The following MDGA2 variants were observed in gnomAD, a reference collection of about 807,000 sequenced individuals.
The protein encoded by MDGA2 is MAM domain containing glycosylphosphatidylinositol anchor 2.
A neutral mutation model predicts 117.8 loss-of-function variants in MDGA2; 40 were observed. The ratio of observed to expected loss-of-function variants is 0.34; its 90% CI spans 0.26 to 0.44. MDGA2 has a LOEUF of 0.44. Among genes scored for constraint, MDGA2 ranks in the 20% least tolerant of loss-of-function variants. MDGA2 has a pLI of 1.00. For missense variants in MDGA2, 1,123 were observed against 1,250.6 expected (o/e 0.90, Z 1.54); for synonymous variants, 452 against 439.0 (o/e 1.03, Z -0.37).
chr14:47,337,241 TGTAA>T (rs987381033), intron 1 of MDGA2, among the ~76,000 whole-genome samples: 8 of 152,070 alleles, frequency 5.3e-5, no homozygotes, highest in African/African-American at 1.9e-4. Flanking sequence ...AGGTAAAATC[TGTAA>T]GTATGTTAAA....
chr14:46,840,082 C>T (rs2138253154), downstream of MDGA2: 1 of 152,546 alleles, frequency 6.6e-6, no homozygotes, highest in South Asian at 2.1e-4. Flanking sequence ...AACACACATA[C>T]TGCTTGTCAT....
chr14:47,375,502 G>A (rs973048769), intron 1 of MDGA2, among the ~76,000 whole-genome samples: 3 of 151,680 alleles, frequency 2.0e-5, no homozygotes, highest in Admixed American at 6.6e-5. Context: ...TAAATAACTT[G>A]CTTTCCCTAA....
At chr14:47,264,470 G>C (rs1157425133) in intron 2 of MDGA2, among the ~76,000 whole-genome samples, 2 of 152,100 alleles carry the variant, frequency 1.3e-5, no homozygotes, top group Non-Finnish European at 2.9e-5. Flanking sequence ...AAAAAAGACA[G>C]AGTGAATTGG....
intron 1 of MDGA2, among the ~76,000 whole-genome samples, chr14:47,535,469 TGA>T (rs1895191230): frequency 6.6e-6 from 1 of 152,216 alleles, no homozygotes; most frequent in Non-Finnish European, 1.5e-5. Flanking sequence ...TGAAAGACTT[TGA>T]GAGGTAACTG....
chr14:46,997,893 A>C (rs1887355069), intron 8 of MDGA2, among the ~76,000 whole-genome samples: 1 of 152,186 alleles, frequency 6.6e-6, no homozygotes, highest in African/African-American at 2.4e-5. Context: ...TAGAGTGAAC[A>C]AGTTTTGTGT....
At chr14:47,205,205 C>T (rs545015925) in intron 3 of MDGA2, among the ~76,000 whole-genome samples, 1 of 151,818 alleles carries the variant, frequency 6.6e-6, no homozygotes, top group African/African-American at 2.4e-5. Flanking sequence ...AAAATATCTC[C>T]CTCTCACCTA....
At chr14:47,303,429 T>C (rs1386346533) in intron 1 of MDGA2, among the ~76,000 whole-genome samples, 1 of 152,158 alleles carries the variant, frequency 6.6e-6, no homozygotes, top group Non-Finnish European at 1.5e-5. Flanking sequence ...CTAGACATTG[T>C]AATAATTCGT....
intron 1 of MDGA2, among the ~76,000 whole-genome samples, chr14:47,373,974 T>C (rs973678372): frequency 1.5e-4 from 23 of 152,254 alleles, no homozygotes; most frequent in Middle Eastern, 3.4e-3. Flanking sequence ...TCCATATAAA[T>C]AAAATTTCCT....
At chr14:47,352,644 T>C (rs1890909141) in intron 1 of MDGA2, among the ~76,000 whole-genome samples, 2 of 152,236 alleles carry the variant, frequency 1.3e-5, no homozygotes, top group South Asian at 4.1e-4. Flanking sequence ...GGCATAATAT[T>C]TGCAAAAGGT....
At chr14:47,166,171 G>A (rs1214541907) in intron 3 of MDGA2, among the ~76,000 whole-genome samples, 2 of 151,778 alleles carry the variant, frequency 1.3e-5, no homozygotes, top group African/African-American at 2.4e-5. Flanking sequence ...GAGTAGCTGG[G>A]ACTACAGATG....
intron 1 of MDGA2, among the ~76,000 whole-genome samples, chr14:47,352,453 C>G (rs1487875540): frequency 6.6e-6 from 1 of 151,958 alleles, no homozygotes; most frequent in Non-Finnish European, 1.5e-5. Context: ...AAAAGCAAAC[C>G]TAGCTGACTC....
At chr14:47,281,473 C>T (rs1289074957) in intron 2 of MDGA2, among the ~76,000 whole-genome samples, 1 of 152,052 alleles carries the variant, frequency 6.6e-6, no homozygotes, top group East Asian at 1.9e-4. Context: ...TATTTGATAA[C>T]AGAGCATGAA....
intron 1 of MDGA2, among the ~76,000 whole-genome samples, chr14:47,341,260 T>C (rs1457284977): frequency 6.6e-6 from 1 of 152,146 alleles, no homozygotes; most frequent in East Asian, 1.9e-4. Context: ...CTTAAGAAAA[T>C]GCAAGTGAAA....
chr14:47,240,190 G>A (rs889761483), intron 2 of MDGA2, among the ~76,000 whole-genome samples: 4 of 151,562 alleles, frequency 2.6e-5, no homozygotes, highest in East Asian at 3.9e-4. Context: ...GATTACAGGC[G>A]TGCACCACCA....
intron 1 of MDGA2, among the ~76,000 whole-genome samples, chr14:47,395,908 T>C (rs1193874233): frequency 1.3e-5 from 2 of 152,160 alleles, no homozygotes; most frequent in Non-Finnish European, 2.9e-5. Flanking sequence ...TTCTTTTAAC[T>C]AGCAATTTAT....
intron 1 of MDGA2, among the ~76,000 whole-genome samples, chr14:47,487,054 C>G (rs1894076705): frequency 6.6e-6 from 1 of 152,198 alleles, no homozygotes; most frequent in East Asian, 1.9e-4. Flanking sequence ...AAAATCTCTT[C>G]CCTTAGCTAT....
At chr14:47,345,515 AC>A (rs1384070397) in intron 1 of MDGA2, among the ~76,000 whole-genome samples, 2 of 152,182 alleles carry the variant, frequency 1.3e-5, no homozygotes, top group Admixed American at 6.6e-5. Flanking sequence ...TTAAATTCCT[AC>A]TTTTAGCAAT....
intron 1 of MDGA2, among the ~76,000 whole-genome samples, chr14:47,421,600 A>C (rs1250234451): frequency 6.6e-6 from 1 of 152,176 alleles, no homozygotes; most frequent in Non-Finnish European, 1.5e-5. Flanking sequence ...GAAAATATTT[A>C]TTTTGTATAA....
chr14:47,604,129 C>T (rs1896697442), intron 1 of MDGA2, among the ~76,000 whole-genome samples: 1 of 152,128 alleles, frequency 6.6e-6, no homozygotes, highest in Admixed American at 6.5e-5. Flanking sequence ...CAGCCAAACA[C>T]AGCCTCCAAG....
Sources: allele counts gnomAD v4.1 joint callset (sites outside exome capture counted in the v4.1 genomes callset), GRCh38; gene constraint gnomAD v4.1.1; transcripts MANE v1.5; gene names NCBI Gene and HGNC (gene_info 2026-07-23, HGNC 2026-07-21).